RBFOX1: variants seen among roughly 807,000 people sequenced by gnomAD.
RBFOX1 encodes the protein RNA binding fox-1 homolog 1.
In RBFOX1, 8 loss-of-function variants were observed where a neutral mutation model predicts 57.7. That is an observed-to-expected ratio of 0.14 (90% CI 0.08 to 0.25). The LOEUF is 0.25. RBFOX1 is among the 10% of genes least tolerant of loss of function. RBFOX1 has a pLI of 1.00. For missense variants in RBFOX1, 611 were observed against 548.5 expected (o/e 1.11, Z -1.14); for synonymous variants, 326 against 222.4 (o/e 1.47, Z -4.15).
intron 4 of RBFOX1, among the ~76,000 whole-genome samples, chr16:7,218,062 CGTGTGTGTGT>C: frequency 7.5e-6 from 1 of 132,894 alleles, no homozygotes; most frequent in East Asian, 2.8e-4. Context: ...CATGCGTGTG[CGTGTGTGTGT>C]GTGCGTCTGT....
rs547956523 is a variant in RBFOX1 at position 6,661,020 on chromosome 16, C to T, written c.-16+6370C>T. Among the ~76,000 whole-genome samples, 8 of 152,206 alleles carry T rather than the reference C, an allele frequency of 5.3e-5. No individual in the cohort carries two copies. In the East Asian group the frequency reaches 1.4e-3, roughly 26 times the overall value. The stretch of plus-strand genomic sequence containing the variant: ...GAGGCAGAGGAGTGATTGTCTTTAA[C>T]GTGAAGTCCTATGTACTGCAGCGAC... On this transcript the variant is annotated intron_variant, in intron 3 of 15. Transcript: ENST00000550418.
chr16:5,243,610 C>T (rs1200274295), intron 1 of RBFOX1, among the ~76,000 whole-genome samples: 8 of 152,168 alleles, frequency 5.3e-5, no homozygotes, highest in Non-Finnish European at 7.3e-5. Flanking sequence ...TGTCTCCAGA[C>T]GGTTTCAAAT....
intron 14 of RBFOX1, chr16:7,693,314 G>C: frequency 6.2e-7 from 1 of 1,612,428 alleles, no homozygotes; most frequent in Non-Finnish European, 8.5e-7. Context: ...TTCTCTTCCA[G>C]AAATCAGTTC....
intron 10 of RBFOX1, among the ~76,000 whole-genome samples, chr16:7,608,270 A>T (rs377319575): frequency 6.6e-5 from 10 of 152,298 alleles, no homozygotes; most frequent in African/African-American, 1.4e-4. Context: ...TCATTTTCCT[A>T]ATACTGAACA....
At chr16:6,988,261 C>G (rs112779765) in intron 3 of RBFOX1, among the ~76,000 whole-genome samples, 5 of 152,162 alleles carry the variant, frequency 3.3e-5, no homozygotes, top group Admixed American at 1.3e-4. Flanking sequence ...AGGACTTTCT[C>G]CTCTCAGCAA....
intron 1 of RBFOX1, among the ~76,000 whole-genome samples, chr16:6,131,919 A>G (rs531637326): frequency 1.3e-5 from 2 of 152,342 alleles, no homozygotes; most frequent in Admixed American, 1.3e-4. Context: ...AACACTTTGT[A>G]TGCACGTCTG....
intron 3 of RBFOX1, among the ~76,000 whole-genome samples, chr16:6,694,662 T>C (rs1247415722): frequency 2.0e-5 from 3 of 152,164 alleles, no homozygotes; most frequent in East Asian, 1.9e-4. Flanking sequence ...CCATTGTTTT[T>C]CCACATGGTA....
chr16:7,031,059 T>A (rs1262020187), intron 3 of RBFOX1, among the ~76,000 whole-genome samples: 1 of 152,220 alleles, frequency 6.6e-6, no homozygotes, highest in Non-Finnish European at 1.5e-5. Context: ...ATGCTGATGC[T>A]GCTTCTTCCA....
intron 1 of RBFOX1, among the ~76,000 whole-genome samples, chr16:5,297,269 G>T (rs138902720): frequency 4.6e-5 from 7 of 152,210 alleles, no homozygotes; most frequent in Non-Finnish European, 1.0e-4. Context: ...TCACCCAGAT[G>T]TGTGACTGCT....
intron 4 of RBFOX1, among the ~76,000 whole-genome samples, chr16:5,975,348 C>T (rs1430949121): frequency 6.6e-6 from 1 of 152,158 alleles, no homozygotes; most frequent in Non-Finnish European, 1.5e-5. Flanking sequence ...ATCATTAGAG[C>T]AATAGCTGCT....
intron 3 of RBFOX1, among the ~76,000 whole-genome samples, chr16:6,851,941 C>G (rs72768830): frequency 8.7e-6 from 1 of 114,718 alleles, no homozygotes; most frequent in Admixed American, 9.2e-5. Context: ...TTTTTTTTTT[C>G]TTTTTTTGAG....
chr16:6,858,442 C>G (rs916561122), intron 3 of RBFOX1, among the ~76,000 whole-genome samples: 5 of 152,138 alleles, frequency 3.3e-5, no homozygotes. Flanking sequence ...GTTCCACAAT[C>G]TCGTTATGGG....
intron 2 of RBFOX1, among the ~76,000 whole-genome samples, chr16:6,395,999 G>C (rs1211281607): frequency 6.9e-6 from 1 of 144,994 alleles, no homozygotes; most frequent in Non-Finnish European, 1.5e-5. Flanking sequence ...CCGGGAGGTG[G>C]AAGTTGCAGT....
intron 4 of RBFOX1, among the ~76,000 whole-genome samples, chr16:7,414,084 G>A (rs533140510): frequency 1.4e-4 from 22 of 152,296 alleles, no homozygotes; most frequent in Middle Eastern, 3.4e-3. Context: ...ATAAGAATCT[G>A]TACATGTTAC....
chr16:5,734,356 G>A (rs138898316), intron 3 of RBFOX1, among the ~76,000 whole-genome samples: 2 of 152,098 alleles, frequency 1.3e-5, no homozygotes, highest in Non-Finnish European at 2.9e-5. Context: ...TGAGCCCAGG[G>A]GTTCAAGGCT....
chr16:6,546,775 A>G (rs867578028), intron 2 of RBFOX1, among the ~76,000 whole-genome samples: 1 of 152,232 alleles, frequency 6.6e-6, no homozygotes, highest in African/African-American at 2.4e-5. Context: ...CCTAGCGGAT[A>G]CATATCCTAT....
chr16:6,139,786 C>T (rs1483456411), intron 1 of RBFOX1, among the ~76,000 whole-genome samples: 2 of 151,976 alleles, frequency 1.3e-5, no homozygotes, highest in African/African-American at 4.8e-5. Context: ...TTTGTTTCTC[C>T]TTCTCCTGTC....
intron 1 of RBFOX1, among the ~76,000 whole-genome samples, chr16:5,464,125 G>T (rs1408879968): frequency 6.6e-6 from 1 of 152,200 alleles, no homozygotes; most frequent in East Asian, 1.9e-4. Context: ...GCCAGGAGGG[G>T]AAGGAGGCAC....
chr16:7,358,940 A>G (rs1342053157), intron 4 of RBFOX1, among the ~76,000 whole-genome samples: 3 of 152,346 alleles, frequency 2.0e-5, no homozygotes, highest in African/African-American at 7.2e-5. Flanking sequence ...CGGATCCATA[A>G]AGTAAAACAT....
Sources: gnomAD v4.1 joint callset for allele counts (sites outside exome capture counted in the v4.1 genomes callset) on GRCh38, gnomAD v4.1.1 for gene constraint, MANE v1.5 for transcripts, NCBI Gene and HGNC (gene_info 2026-07-23, HGNC 2026-07-21) for gene names.